Variants in AGMO observed in about 807,000 individuals in gnomAD.
AGMO encodes alkylglycerol monooxygenase, also known as glyceryl-ether monooxygenase.
In AGMO, 75 loss-of-function variants were observed where a neutral mutation model predicts 60.2. That is an observed-to-expected ratio of 1.25 (90% CI 1.03 to 1.51). The LOEUF is 1.51. AGMO is among the 40% of genes most tolerant of loss of function. The probability of loss-of-function intolerance (pLI) is 0.00; values close to 1 mark genes in which losing one functional copy is unlikely to be tolerated. For missense variants in AGMO, 763 were observed against 525.5 expected (o/e 1.45, Z -4.42); for synonymous variants, 261 against 177.1 (o/e 1.47, Z -3.76).
chr7:15,394,413 A>G (rs1270230880), intron 5 of AGMO, among the ~76,000 whole-genome samples: 3 of 152,196 alleles, frequency 2.0e-5, no homozygotes, highest in Non-Finnish European at 4.4e-5. Flanking sequence ...GTTAAGAGCT[A>G]GACGACTTTC....
chr7:15,216,106 TG>T (rs1781728788), intron 12 of AGMO, among the ~76,000 whole-genome samples: 1 of 151,998 alleles, frequency 6.6e-6, no homozygotes, highest in Non-Finnish European at 1.5e-5. Flanking sequence ...GCTCTTCTTC[TG>T]GAAAAAATGT....
intron 12 of AGMO, among the ~76,000 whole-genome samples, chr7:15,215,275 C>T (rs1168231379): frequency 1.3e-5 from 2 of 152,014 alleles, no homozygotes; most frequent in Admixed American, 6.6e-5. Context: ...GGAATATTAA[C>T]TAAATTCATT....
At chr7:15,368,761 A>G (rs1783085284) in intron 10 of AGMO, among the ~76,000 whole-genome samples, 1 of 152,150 alleles carries the variant, frequency 6.6e-6, no homozygotes, top group East Asian at 1.9e-4. Flanking sequence ...CAGATGTCAC[A>G]GGAAACTCAC....
intron 3 of AGMO, among the ~76,000 whole-genome samples, chr7:15,499,378 T>C (rs1375352037): frequency 3.3e-5 from 5 of 151,970 alleles, no homozygotes; most frequent in African/African-American, 9.7e-5. Context: ...TAAAAAGTTG[T>C]AACATACTTC....
At chr7:15,309,925 T>C (rs1583391693) in intron 12 of AGMO, among the ~76,000 whole-genome samples, 1 of 152,308 alleles carries the variant, frequency 6.6e-6, no homozygotes, top group African/African-American at 2.4e-5. Context: ...AATATCATCT[T>C]TGCAGGTTTC....
intron 12 of AGMO, among the ~76,000 whole-genome samples, chr7:15,232,073 A>T (rs1283820941): frequency 6.6e-6 from 1 of 152,192 alleles, no homozygotes; most frequent in East Asian, 1.9e-4. Flanking sequence ...TCACAAAATC[A>T]TAAGCGATTT....
intron 12 of AGMO, among the ~76,000 whole-genome samples, chr7:15,222,873 C>T (rs1032895211): frequency 2.6e-5 from 4 of 151,732 alleles, no homozygotes; most frequent in Non-Finnish European, 5.9e-5. Context: ...CCCCAACATG[C>T]GTAACAAAAA....
intron 12 of AGMO, among the ~76,000 whole-genome samples, chr7:15,274,154 A>G (rs1783707181): frequency 6.6e-6 from 1 of 152,148 alleles, no homozygotes; most frequent in South Asian, 2.1e-4. Context: ...AACTTCCAAC[A>G]CTATGTTGAA....
At chr7:15,352,509 G>A (rs1420034048) in intron 12 of AGMO, among the ~76,000 whole-genome samples, 2 of 151,678 alleles carry the variant, frequency 1.3e-5, no homozygotes, top group Non-Finnish European at 2.9e-5. Flanking sequence ...CTTTTCAGAG[G>A]GAACTGGGCG....
intron 3 of AGMO, among the ~76,000 whole-genome samples, chr7:15,523,888 A>G (rs1397166286): frequency 6.6e-6 from 1 of 152,180 alleles, no homozygotes; most frequent in Non-Finnish European, 1.5e-5. Context: ...AACTTACTAA[A>G]TGGTTAACTA....
At chr7:15,204,843 TTA>T (rs1781400318) in intron 12 of AGMO, among the ~76,000 whole-genome samples, 2 of 152,136 alleles carry the variant, frequency 1.3e-5, no homozygotes, top group South Asian at 2.1e-4. Context: ...CTCCTCTCAG[TTA>T]TGTGTGTGTG....
At chr7:15,219,613 T>A (rs1312529936) in intron 12 of AGMO, among the ~76,000 whole-genome samples, 2 of 152,128 alleles carry the variant, frequency 1.3e-5, no homozygotes, top group Non-Finnish European at 2.9e-5. Flanking sequence ...AGCGTTCTCA[T>A]CCTGGAGCTA....
intron 5 of AGMO, among the ~76,000 whole-genome samples, chr7:15,395,325 T>G (rs74763672): frequency 1.3e-5 from 2 of 151,988 alleles, no homozygotes; most frequent in Admixed American, 1.3e-4. Flanking sequence ...CGGGAAGAAA[T>G]AGAGATAAGA....
At chr7:15,395,005 G>C (rs1344085193) in intron 5 of AGMO, among the ~76,000 whole-genome samples, 3 of 152,144 alleles carry the variant, frequency 2.0e-5, no homozygotes, top group African/African-American at 4.8e-5. Flanking sequence ...CATGAAAAAA[G>C]TATAGCAGCC....
intron 3 of AGMO, among the ~76,000 whole-genome samples, chr7:15,496,379 A>G (rs1192666125): frequency 6.6e-6 from 1 of 152,196 alleles, no homozygotes; most frequent in Non-Finnish European, 1.5e-5. Context: ...AAATTACTGT[A>G]TTTCAGATAA....
At chr7:15,202,529 T>TTCAGTTTCA (rs1282824078) in intron 12 of AGMO, among the ~76,000 whole-genome samples, 1 of 147,798 alleles carries the variant, frequency 6.8e-6, no homozygotes, top group Non-Finnish European at 1.5e-5. Flanking sequence ...GAGTGGGTTG[T>TTCAGTTTCA]TCAGTTTCAT....
the AGMO span, among the ~76,000 whole-genome samples, chr7:15,125,248 A>G: frequency 6.6e-6 from 1 of 152,116 alleles, no homozygotes; most frequent in Non-Finnish European, 1.5e-5. Flanking sequence ...ACATTTAATC[A>G]GAAGGCAAGA....
the AGMO span, among the ~76,000 whole-genome samples, chr7:15,190,879 G>A: frequency 1.3e-5 from 2 of 151,770 alleles, no homozygotes; most frequent in African/African-American, 4.8e-5. Flanking sequence ...AGAATAACCA[G>A]ACTGGGTTTT....
chr7:15,391,543 T>A (rs1324220152), intron 6 of AGMO, among the ~76,000 whole-genome samples: 3 of 152,168 alleles, frequency 2.0e-5, no homozygotes, highest in Non-Finnish European at 4.4e-5. Flanking sequence ...CACATGACTG[T>A]AAATCTTAAG....
Sources: allele counts gnomAD v4.1 joint callset (sites outside exome capture counted in the v4.1 genomes callset), GRCh38; gene constraint gnomAD v4.1.1; transcripts MANE v1.5; gene names NCBI Gene and HGNC (gene_info 2026-07-23, HGNC 2026-07-21).